SLC44A1: variants seen among roughly 807,000 people sequenced by gnomAD.
The protein encoded by SLC44A1 is choline transporter-like protein 1.
In SLC44A1, 26 loss-of-function variants were observed where a neutral mutation model predicts 79.3. That is an observed-to-expected ratio of 0.33 (90% CI 0.24 to 0.46). The LOEUF is 0.46. Ranked by LOEUF, SLC44A1 falls within the 20% of genes least tolerant of loss-of-function variation. The pLI is 1.00. For synonymous variants in SLC44A1, 263 were observed against 286.2 expected (o/e 0.92, Z 0.82); for missense variants, 688 against 798.1 (o/e 0.86, Z 1.66).
At chr9:105,352,860 A>G (rs1368654458) in intron 5 of SLC44A1, among the ~76,000 whole-genome samples, 2 of 152,200 alleles carry the variant, frequency 1.3e-5, no homozygotes, top group Non-Finnish European at 2.9e-5. Context: ...TTTTTTGATA[A>G]GAAAACAATT....
intron 1 of SLC44A1, among the ~76,000 whole-genome samples, chr9:105,257,171 A>G (rs1267822490): frequency 6.6e-6 from 1 of 151,380 alleles, no homozygotes; most frequent in Non-Finnish European, 1.5e-5. Flanking sequence ...ATCTCAGCTC[A>G]CTGCAACCTC....
chr9:105,262,694 C>T (rs1588710496), intron 1 of SLC44A1, among the ~76,000 whole-genome samples: 2 of 152,186 alleles, frequency 1.3e-5, no homozygotes, highest in Admixed American at 1.3e-4. Context: ...CCTAACTGGG[C>T]ACAGTGACCT....
chr9:105,436,269 C>T (rs914219830), intron 15 of SLC44A1, among the ~76,000 whole-genome samples: 1 of 152,126 alleles, frequency 6.6e-6, no homozygotes, highest in Non-Finnish European at 1.5e-5. Flanking sequence ...TAACATCAGA[C>T]AAATCACAAC....
chr9:105,381,908 G>C (rs1828477965), intron 13 of SLC44A1, among the ~76,000 whole-genome samples: 1 of 152,182 alleles, frequency 6.6e-6, no homozygotes, highest in South Asian at 2.1e-4. Context: ...TTCATGGTCT[G>C]CCTATTATTC....
chr9:105,309,370 A>G (rs937880338), intron 2 of SLC44A1, among the ~76,000 whole-genome samples: 2 of 152,158 alleles, frequency 1.3e-5, no homozygotes, highest in Non-Finnish European at 2.9e-5. Context: ...CATCATGAGG[A>G]TTAGAGATAA....
chr9:105,319,058 GCTTCAA>G (rs985323249), intron 3 of SLC44A1, among the ~76,000 whole-genome samples: 2 of 152,070 alleles, frequency 1.3e-5, no homozygotes, highest in African/African-American at 4.8e-5. Context: ...ATTATTAACT[GCTTCAA>G]CTATGAGTTT....
chr9:105,290,178 T>C (rs1004547855), intron 1 of SLC44A1, among the ~76,000 whole-genome samples: 4 of 152,198 alleles, frequency 2.6e-5, no homozygotes, highest in Non-Finnish European at 5.9e-5. Context: ...AAGAATCTTA[T>C]ATTGCATATG....
chr9:105,259,863 T>C (rs1829801355), intron 1 of SLC44A1, among the ~76,000 whole-genome samples: 2 of 152,236 alleles, frequency 1.3e-5, no homozygotes, highest in South Asian at 4.1e-4. Flanking sequence ...AGTTTGCTGC[T>C]AGTTTAAAAA....
intron 3 of SLC44A1, among the ~76,000 whole-genome samples, chr9:105,310,727 A>G (rs920203171): frequency 6.6e-6 from 1 of 152,214 alleles, no homozygotes; most frequent in African/African-American, 2.4e-5. Context: ...ATTATTATAT[A>G]AATCTGTCAG....
chr9:105,422,616 C>T (rs1451693905), intron 15 of SLC44A1, among the ~76,000 whole-genome samples: 2 of 152,014 alleles, frequency 1.3e-5, no homozygotes, highest in African/African-American at 4.8e-5. Context: ...TGAGACAGAT[C>T]CCTGGATAGG....
chr9:105,352,338 G>C (rs1827476869), intron 5 of SLC44A1, among the ~76,000 whole-genome samples: 1 of 152,118 alleles, frequency 6.6e-6, no homozygotes, highest in East Asian at 1.9e-4. Flanking sequence ...CTGCCTTCTT[G>C]TGAAGGCAAA....
In SLC44A1 at chr9:105,393,943, T is replaced by G. The variant is rs73514010; in HGVS notation, c.*4887T>G. ...TGTAATTTACAAATGTCTCAGAAAT[T>G]TCTCACTTTTATTTGCTAAGACCTG... On this transcript the variant is annotated 3_prime_UTR_variant, in exon 16 of 16. Transcript: ENST00000374720. 1.0e-3 allele frequency: 985 copies of G among 984,378 alleles called. 7 individuals carry two copies. In the African/African-American group the frequency reaches 0.016, roughly 16 times the overall value. The allele number at this position is 984,378 out of a possible 1,614,324, so 61.0% of individuals were successfully genotyped here.
intron 2 of SLC44A1, among the ~76,000 whole-genome samples, chr9:105,305,160 G>C (rs2131299697): frequency 6.6e-6 from 1 of 151,316 alleles, no homozygotes; most frequent in South Asian, 2.1e-4. Context: ...TGTAGAGACA[G>C]GGTCTCACTA....
In SLC44A1 at chr9:105,391,831, G is replaced by A; in HGVS notation, c.*2775G>A. Reference sequence around the variant, plus strand: ...TTTCATAAATCATTGATTCTATGTGGTGGTTTTTGTCTTCTTCTGTGGTGA... The same window carrying A: ...TTTCATAAATCATTGATTCTATGTGATGGTTTTTGTCTTCTTCTGTGGTGA... On this transcript the variant is annotated 3_prime_UTR_variant, in exon 16 of 16. Transcript: ENST00000374720. 2 of 985,240 alleles carry A rather than the reference G, an allele frequency of 2.0e-6. No homozygotes were observed. The highest frequency in any genetic ancestry group is 2.4e-6 in the Non-Finnish European group (2 of 829,854). 61.0% of individuals were successfully genotyped at this position (985,240 alleles called of 1,614,324 possible).
At chr9:105,420,031 T>C (rs1178008630) in intron 15 of SLC44A1, among the ~76,000 whole-genome samples, 1 of 152,180 alleles carries the variant, frequency 6.6e-6, no homozygotes, top group Non-Finnish European at 1.5e-5. Context: ...CCCTGTCTTC[T>C]GGAACAGCAA....
chr9:105,266,042 C>T (rs1829954618), intron 1 of SLC44A1, among the ~76,000 whole-genome samples: 1 of 152,150 alleles, frequency 6.6e-6, no homozygotes, highest in East Asian at 1.9e-4. Context: ...ACTGCAGCCT[C>T]AAACTCCTGG....
intron 12 of SLC44A1, among the ~76,000 whole-genome samples, chr9:105,368,134 T>G (rs565103804): frequency 1.3e-4 from 19 of 151,586 alleles, no homozygotes; most frequent in Non-Finnish European, 2.6e-4. Context: ...AAATGGAAGG[T>G]TTTCAGCATA....
At chr9:105,299,170 T>G in intron 1 of SLC44A1, 50 bp from the exon 2 acceptor site, 1 of 1,390,760 alleles carries the variant, frequency 7.2e-7, no homozygotes, top group South Asian at 1.3e-5. Context: ...CCCTTCTAAC[T>G]TTAACTAAAC....
chr9:105,330,829 T>A (rs1183935422), intron 3 of SLC44A1, among the ~76,000 whole-genome samples: 2 of 152,260 alleles, frequency 1.3e-5, no homozygotes, highest in Admixed American at 6.5e-5. Flanking sequence ...CACATTTACA[T>A]GCCTTACCAG....
Sources: gnomAD v4.1 joint callset for allele counts (sites outside exome capture counted in the v4.1 genomes callset) on GRCh38, gnomAD v4.1.1 for gene constraint, MANE v1.5 for transcripts, NCBI Gene and HGNC (gene_info 2026-07-23, HGNC 2026-07-21) for gene names.